CLIP1: variants seen among roughly 807,000 people sequenced by gnomAD.
CLIP1 encodes the protein CAP-Gly domain containing linker protein 1, also known as CAP-Gly domain-containing linker protein 1.
CLIP1 carries 66 observed loss-of-function variants against 161.6 expected under a neutral mutation model. The ratio of observed to expected loss-of-function variants is 0.41; its 90% confidence interval spans 0.33 to 0.50. The LOEUF (loss-of-function observed/expected upper bound fraction) is 0.50. CLIP1 is among the 20% of genes least tolerant of loss of function. CLIP1 has a pLI of 0.27. For synonymous variants in CLIP1, 598 were observed against 626.2 expected (o/e 0.96, Z 0.67); for missense variants, 1,376 against 1,702.0 (o/e 0.81, Z 3.37).
At chr12:122,422,283 G>C (rs997055639) in intron 1 of CLIP1, among the ~76,000 whole-genome samples, 1 of 151,862 alleles carries the variant, frequency 6.6e-6, no homozygotes, top group African/African-American at 2.4e-5. Flanking sequence ...GCGCTGACAG[G>C]GCCGCCACTT....
intron 20 of CLIP1, among the ~76,000 whole-genome samples, chr12:122,289,720 T>C (rs1336677773): frequency 6.6e-6 from 1 of 151,628 alleles, no homozygotes; most frequent in East Asian, 1.9e-4. Flanking sequence ...AGGTAGTTAA[T>C]CTTGTGAAGG....
chr12:122,410,458 C>CT lies in CLIP1; in HGVS notation c.-107+12062dup, dbSNP rs34639257. Reference sequence around the variant, plus strand: ...ATATATACACACAGACACACACACACTTTTTTTTTTTTTTTTTTGAGATGG... The same window carrying CT: ...ATATATACACACAGACACACACACACTTTTTTTTTTTTTTTTTTTGAGATGG... On this transcript the variant is annotated intron_variant, in intron 1 of 25. Transcript: ENST00000620786. Among the ~76,000 whole-genome samples, 707 of 119,460 alleles carry CT rather than the reference C, an allele frequency of 5.9e-3. 15 individuals are homozygous for CT. Among genetic ancestry groups the CT allele is most frequent in the African/African-American group, 0.017 (567 of 33,238 alleles). The allele number at this position is 119,460 out of a possible 152,430, so 78.4% of individuals were successfully genotyped here.
At position 122,377,962 on chromosome 12, in the gene CLIP1, T is replaced by C; in HGVS notation, c.86-2A>G. Reference sequence around the variant, plus strand: ...TGGTTTTTTCTACTGGAGCTACAACTGAAAACAAAAGATCATAAGAGATTC... The same window carrying C: ...TGGTTTTTTCTACTGGAGCTACAACCGAAAACAAAAGATCATAAGAGATTC... On this transcript the variant is annotated splice_acceptor_variant, in intron 2 of 25. Transcript: ENST00000620786. LOFTEE classifies it high-confidence loss of function. The C allele has an allele frequency of 1.3e-6, 2 of 1,593,642 alleles. No homozygotes were observed. The highest frequency in any genetic ancestry group is 8.5e-7 in the Non-Finnish European group (1 of 1,172,904).
chr12:122,355,294 G>T lies in CLIP1; in HGVS notation c.1024C>A (p.Arg342Ser), dbSNP rs149345437. 1.2e-6 allele frequency: 2 copies of T among 1,613,996 alleles called. No individual in the cohort carries two copies. The highest frequency in any genetic ancestry group is 1.7e-6 in the Non-Finnish European group (2 of 1,179,892). ...RTGLLTETSS[R>S]YARKISGTTA... The stretch of plus-strand genomic sequence containing the variant: ...GTACCGGAGATCTTCCTGGCGTAAC[G>T]GGAGGAGGTTTCAGTCAACTGTAAA... The change falls in exon 6 of 26, where the codon CGT becomes AGT. Residue 342 changes from arginine (R) to serine (S), a missense_variant. By Grantham distance (110) the Arg-to-Ser change is moderately radical. This residue lies in a region of CLIP1 where 211 missense variants were observed against 295.1 expected (regional missense o/e 0.72). Coordinates refer to ENST00000620786, the MANE Select transcript of CLIP1 (RefSeq NM_001247997.2). This position sits in a 1 kb window ranked among gnomAD's most constrained non-coding sequence, Gnocchi z 4.1.
intron 1 of CLIP1, chr12:122,396,507 C>T (rs931728307): frequency 1.2e-4 from 18 of 152,104 alleles, no homozygotes; most frequent in African/African-American, 4.1e-4. Flanking sequence ...TCAATGGAAT[C>T]ACTGGTAATT....
intron 21 of CLIP1, among the ~76,000 whole-genome samples, chr12:122,283,687 G>A (rs767060581): frequency 4.6e-5 from 7 of 151,948 alleles, no homozygotes; most frequent in Non-Finnish European, 8.8e-5. Context: ...TTGAACTCCT[G>A]ACCTCAGGTG....
At chr12:122,394,488 C>CAAAAAA (rs66683857) in intron 1 of CLIP1, among the ~76,000 whole-genome samples, 1 of 57,998 alleles carries the variant, frequency 1.7e-5, no homozygotes, top group African/African-American at 7.8e-5. Flanking sequence ...GACGCTGTCT[C>CAAAAAA]AAAAAAAAAA....
chr12:122,303,531 T>C (rs1950764116), intron 20 of CLIP1, among the ~76,000 whole-genome samples: 1 of 152,196 alleles, frequency 6.6e-6, no homozygotes, highest in African/African-American at 2.4e-5. Flanking sequence ...GTTGGGATAG[T>C]TGAGGCTACA....
intron 10 of CLIP1, chr12:122,343,805 T>C (rs935291393): frequency 1.3e-5 from 2 of 152,242 alleles, no homozygotes; most frequent in Admixed American, 6.5e-5. Flanking sequence ...GCAGTCCATT[T>C]AGTACATAGG....
chr12:122,363,210 G>T (rs1490734029), intron 4 of CLIP1, among the ~76,000 whole-genome samples: 2 of 152,118 alleles, frequency 1.3e-5, no homozygotes, highest in Non-Finnish European at 2.9e-5. Flanking sequence ...CAAGAACGGG[G>T]TTATCCAGGC....
At chr12:122,302,783 G>C (rs1314726344) in intron 20 of CLIP1, among the ~76,000 whole-genome samples, 1 of 152,058 alleles carries the variant, frequency 6.6e-6, no homozygotes, top group African/African-American at 2.4e-5. Flanking sequence ...TTTTAGTAGA[G>C]ACAGGGTTTC....
intron 19 of CLIP1, among the ~76,000 whole-genome samples, chr12:122,312,262 T>C (rs1470784257): frequency 1.3e-5 from 2 of 152,218 alleles, no homozygotes; most frequent in African/African-American, 4.8e-5. Flanking sequence ...TTAGATTACT[T>C]ATGCCCTTTT....
At position 122,294,345 on chromosome 12, in the gene CLIP1, A is replaced by C. The variant is rs1228190156; in HGVS notation, c.3595-5804T>G. 5.1e-3 allele frequency among the ~76,000 whole-genome samples: 474 copies of C among 93,754 alleles called. 1 individual carries two copies. Among genetic ancestry groups the C allele is most frequent in the East Asian group, 0.018 (74 of 4,022 alleles). 61.5% of individuals were successfully genotyped at this position (93,754 alleles called of 152,430 possible). A position where few individuals can be genotyped will look rare whatever the true frequency, so the allele number is the denominator to read the frequency against. On this transcript the variant is annotated intron_variant, in intron 20 of 25. Transcript: ENST00000620786. ...CTCTGTCTCAAAAAAAAAAAAAAACAAAAAAAAAAACCCCAAACTGGAACA... is the reference window on the plus strand; with the variant it reads ...CTCTGTCTCAAAAAAAAAAAAAAACCAAAAAAAAAACCCCAAACTGGAACA...
upstream of CLIP1, among the ~76,000 whole-genome samples, chr12:122,422,812 C>T (rs1012840103): frequency 2.0e-5 from 3 of 148,762 alleles, no homozygotes; most frequent in African/African-American, 7.3e-5. Context: ...TCTTTGTCTG[C>T]GCCCACCGCG....
In CLIP1 at chr12:122,349,912, G is replaced by GTT. The variant is rs200089520; in HGVS notation, c.1401+1197_1401+1198dup. The stretch of plus-strand genomic sequence containing the variant: ...TTTTTTTGTTTTTTTTGTTTTTTTT[G>GTT]TTTTTTTTTGAGATGGAGTTTTGTT... On this transcript the variant is annotated intron_variant, in intron 9 of 25. Coordinates refer to ENST00000620786, the MANE Select transcript of CLIP1 (RefSeq NM_001247997.2). Among the ~76,000 whole-genome samples, 13 of 132,990 alleles carry GTT rather than the reference G, an allele frequency of 9.8e-5. No homozygotes were observed. The East Asian group carries it at 1.2e-3, about 13-fold the overall frequency. 87.2% of individuals were successfully genotyped at this position (132,990 alleles called of 152,430 possible).
chr12:122,418,888 A>G (rs761589199), intron 1 of CLIP1, among the ~76,000 whole-genome samples: 17 of 152,234 alleles, frequency 1.1e-4, no homozygotes, highest in Non-Finnish European at 1.9e-4. Context: ...AAAGAAGCTG[A>G]TTATTTGGAT....
chr12:122,402,848 G>A (rs750164437), intron 1 of CLIP1, among the ~76,000 whole-genome samples: 5 of 152,134 alleles, frequency 3.3e-5, no homozygotes, highest in Non-Finnish European at 5.9e-5. Context: ...TGTGATTAAC[G>A]TAAAATTATT....
At chr12:122,301,152 A>G (rs1210278331) in intron 20 of CLIP1, among the ~76,000 whole-genome samples, 3 of 152,216 alleles carry the variant, frequency 2.0e-5, no homozygotes, top group East Asian at 3.8e-4. Flanking sequence ...ATGATCTTGG[A>G]CTGAATCCTG....
At chr12:122,343,777 C>T (rs927002614) in intron 10 of CLIP1, 3 of 152,204 alleles carry the variant, frequency 2.0e-5, no homozygotes, top group African/African-American at 7.2e-5. Flanking sequence ...AAAATTACTT[C>T]CCTCTGCTAC....
Sources: gnomAD v4.1 joint callset for allele counts (sites outside exome capture counted in the v4.1 genomes callset) on GRCh38, gnomAD v4.1.1 for gene constraint, gnomAD v4.1.1 regional missense constraint, Gnocchi (gnomAD v3.1) non-coding constraint, MANE v1.5 for transcripts, NCBI Gene and HGNC (gene_info 2026-07-23, HGNC 2026-07-21) for gene names.